The following ASTN2 variants were observed in gnomAD, a reference collection of about 807,000 sequenced individuals.
ASTN2 encodes the protein astrotactin-2.
A neutral mutation model predicts 139.8 loss-of-function variants in ASTN2; 54 were observed. The ratio of observed to expected loss-of-function variants is 0.39; its 90% CI spans 0.31 to 0.48. ASTN2 has a LOEUF of 0.48. Among genes scored for constraint, ASTN2 ranks in the 20% least tolerant of loss-of-function variants. The pLI is 0.95. For missense variants in ASTN2, 1,565 were observed against 1,725.1 expected (o/e 0.91, Z 1.64); for synonymous variants, 756 against 719.5 (o/e 1.05, Z -0.81).
At chr9:116,915,339 T>A (rs1169564931) in intron 10 of ASTN2, among the ~76,000 whole-genome samples, 1 of 152,230 alleles carries the variant, frequency 6.6e-6, no homozygotes, top group Non-Finnish European at 1.5e-5. Flanking sequence ...CACTGTTTAC[T>A]CCTGAGGAGG....
chr9:117,105,605 A>T (rs771757840), intron 4 of ASTN2, among the ~76,000 whole-genome samples: 1 of 152,100 alleles, frequency 6.6e-6, no homozygotes, highest in Non-Finnish European at 1.5e-5. Flanking sequence ...GGTTTAATGC[A>T]CTAGCTTTGG....
At chr9:116,732,766 G>T (rs551489762) in intron 14 of ASTN2, among the ~76,000 whole-genome samples, 2 of 152,160 alleles carry the variant, frequency 1.3e-5, no homozygotes, top group African/African-American at 4.8e-5. Context: ...AGGGGTGGGG[G>T]AGCGGCAAAG....
At chr9:116,734,944 T>C (rs73519410) in intron 13 of ASTN2, among the ~76,000 whole-genome samples, 2,047 of 152,366 alleles carry the variant, frequency 0.013, 41 homozygotes, top group African/African-American at 0.046. Flanking sequence ...CTTTGTCATC[T>C]ATATTATTCA....
At chr9:116,481,072 T>C (rs1360718217) in intron 20 of ASTN2, among the ~76,000 whole-genome samples, 2 of 152,210 alleles carry the variant, frequency 1.3e-5, no homozygotes, top group African/African-American at 2.4e-5. Context: ...TAGATCCTAT[T>C]ATGATTCAGT....
chr9:117,074,077 G>A (rs973849271), intron 5 of ASTN2, among the ~76,000 whole-genome samples: 2 of 124,456 alleles, frequency 1.6e-5, no homozygotes, highest in Non-Finnish European at 1.7e-5. Context: ...GCAAGACAGC[G>A]TTCTGTTCTA....
chr9:117,089,919 AT>A (rs1828664158), intron 5 of ASTN2, among the ~76,000 whole-genome samples: 1 of 152,162 alleles, frequency 6.6e-6, no homozygotes, highest in Non-Finnish European at 1.5e-5. Context: ...TTCTTTATCC[AT>A]TTATTGATTG....
At chr9:116,652,538 T>C (rs910083928) in intron 16 of ASTN2, among the ~76,000 whole-genome samples, 2 of 152,160 alleles carry the variant, frequency 1.3e-5, no homozygotes, top group Non-Finnish European at 2.9e-5. Flanking sequence ...AGCCCAATAT[T>C]ACAAGAAAAA....
chr9:116,959,980 T>C (rs192841639), intron 10 of ASTN2, among the ~76,000 whole-genome samples: 11 of 152,144 alleles, frequency 7.2e-5, no homozygotes, highest in African/African-American at 2.6e-4. Flanking sequence ...GCCATGGCGA[T>C]GGGGCCATAA....
intron 4 of ASTN2, among the ~76,000 whole-genome samples, chr9:117,139,203 C>T (rs1158045232): frequency 6.6e-6 from 1 of 152,174 alleles, no homozygotes; most frequent in Admixed American, 6.5e-5. Context: ...ATGCCTTACC[C>T]AGAACAAACA....
chr9:116,590,683 C>T (rs986851804), intron 19 of ASTN2, among the ~76,000 whole-genome samples: 2 of 152,162 alleles, frequency 1.3e-5, no homozygotes, highest in Non-Finnish European at 2.9e-5. Context: ...GTGATTTTTC[C>T]AGACTTGACC....
chr9:117,403,676 C>T lies in ASTN2; in HGVS notation c.442+10821G>A, dbSNP rs528422673. ...TTCCCTTTTCGGCTGCTTGCAAAGC[C>T]ACTCGTGACTTCCCTGGGTGCATGA... On this transcript the variant is annotated intron_variant, in intron 1 of 22. Transcript: ENST00000313400. 3.9e-5 allele frequency among the ~76,000 whole-genome samples: 6 copies of T among 152,286 alleles called. No homozygotes were observed. In the South Asian group the frequency reaches 1.2e-3, roughly 32 times the overall value.
At chr9:116,814,186 C>G (rs550012885) in intron 12 of ASTN2, among the ~76,000 whole-genome samples, 1 of 152,118 alleles carries the variant, frequency 6.6e-6, no homozygotes, top group Non-Finnish European at 1.5e-5. Flanking sequence ...TCCTTCCCAG[C>G]TTTCCTAGTG....
chr9:116,447,792 C>A (rs541529427), intron 20 of ASTN2, among the ~76,000 whole-genome samples: 9 of 152,314 alleles, frequency 5.9e-5, no homozygotes, highest in African/African-American at 1.9e-4. Flanking sequence ...TGCAATCAAT[C>A]GCTGTTGGCA....
intron 14 of ASTN2, among the ~76,000 whole-genome samples, chr9:116,730,462 GTTGT>G (rs987095245): frequency 3.3e-5 from 5 of 152,262 alleles, no homozygotes; most frequent in South Asian, 4.2e-4. Context: ...CTGGAGTGAG[GTTGT>G]TTGTTATAAA....
chr9:116,823,686 C>T (rs778500906), intron 11 of ASTN2, among the ~76,000 whole-genome samples: 4 of 152,174 alleles, frequency 2.6e-5, no homozygotes, highest in Admixed American at 6.5e-5. Flanking sequence ...TAGTCTCTCT[C>T]CCCAAGATGA....
intron 3 of ASTN2, among the ~76,000 whole-genome samples, chr9:117,187,226 T>C (rs1021449411): frequency 2.6e-5 from 4 of 152,156 alleles, no homozygotes; most frequent in African/African-American, 9.7e-5. Context: ...TTTTATTTTA[T>C]ACAGGCTGGT....
At chr9:116,573,918 T>G (rs995000040) in intron 19 of ASTN2, among the ~76,000 whole-genome samples, 11 of 152,202 alleles carry the variant, frequency 7.2e-5, no homozygotes, top group Admixed American at 5.2e-4. Context: ...ACGTTGTACT[T>G]AGAATTGTTT....
At chr9:117,117,777 C>T (rs554152538) in intron 4 of ASTN2, among the ~76,000 whole-genome samples, 1 of 152,144 alleles carries the variant, frequency 6.6e-6, no homozygotes, top group African/African-American at 2.4e-5. Flanking sequence ...CAATCCCCAA[C>T]AGCTCTTCTA....
rs138836456 is a variant in ASTN2 at position 116,805,757 on chromosome 9, G to A, written c.2271C>T (p.Cys757=). The A allele has an allele frequency of 5.3e-4, 859 of 1,613,914 alleles. 1 individual carries two copies. Among genetic ancestry groups the A allele is most frequent in the Non-Finnish European group, 6.8e-4 (797 of 1,179,844 alleles). ...CAGGTTTGAGGCACTTGGGGCCCTC[G>A]CAGACATCTGAGAGCATTAAGCAGG... The part of the protein sequence containing the change: ...GKSCLMLSDV[C]EGPKCLKPDS... The change falls in exon 13 of 23, where the codon TGC becomes TGT. Residue 757 remains cysteine (C), a synonymous_variant. Coordinates refer to ENST00000313400, the MANE Select transcript of ASTN2 (RefSeq NM_001365068.1).
Sources: gnomAD v4.1 joint callset for allele counts (sites outside exome capture counted in the v4.1 genomes callset) on GRCh38, gnomAD v4.1.1 for gene constraint, MANE v1.5 for transcripts, NCBI Gene and HGNC (gene_info 2026-07-23, HGNC 2026-07-21) for gene names.